LARP4B: variants seen among roughly 807,000 people sequenced by gnomAD.
LARP4B encodes la-related protein 4B.
A neutral mutation model predicts 89.8 loss-of-function variants in LARP4B; 12 were observed. The observed-to-expected ratio is 0.13, with a 90% CI of 0.09 to 0.22. The LOEUF (loss-of-function observed/expected upper bound fraction) is 0.22, where lower values mean the gene tolerates loss of function less well. LARP4B is among the 10% of genes least tolerant of loss of function. The probability of loss-of-function intolerance (pLI) is 1.00; values close to 1 mark genes in which losing one functional copy is unlikely to be tolerated. For synonymous variants in LARP4B, 367 were observed against 363.3 expected (o/e 1.01, Z -0.12); for missense variants, 757 against 947.7 (o/e 0.80, Z 2.64).
intron 1 of LARP4B, among the ~76,000 whole-genome samples, chr10:913,727 A>G (rs1836739190): frequency 1.3e-5 from 2 of 152,146 alleles, no homozygotes; most frequent in Admixed American, 1.3e-4. Context: ...AGGCCAATAC[A>G]GTGAAACCCC....
intron 1 of LARP4B, among the ~76,000 whole-genome samples, chr10:887,813 C>T (rs1835905466): frequency 6.8e-6 from 1 of 146,770 alleles, no homozygotes; most frequent in Non-Finnish European, 1.5e-5. Flanking sequence ...CACTTGAGGC[C>T]AGGAGTTCGA....
At chr10:911,064 T>C (rs1040107512) in intron 1 of LARP4B, among the ~76,000 whole-genome samples, 2 of 152,220 alleles carry the variant, frequency 1.3e-5, no homozygotes, top group African/African-American at 2.4e-5. Context: ...AAACATCAGC[T>C]GGATGTGTGT....
chr10:909,212 T>C (rs902935025), intron 1 of LARP4B, among the ~76,000 whole-genome samples: 1 of 146,704 alleles, frequency 6.8e-6, no homozygotes. Flanking sequence ...GAGAATGGCG[T>C]GAACCCGGGA....
At chr10:863,674 C>T (rs1834744031) in intron 5 of LARP4B, 69 bp downstream of exon 5, 4 of 1,466,628 alleles carry the variant, frequency 2.7e-6, no homozygotes, top group Non-Finnish European at 2.8e-6. Flanking sequence ...AATGTTAATA[C>T]TCTAAATAAA....
intron 3 of LARP4B, among the ~76,000 whole-genome samples, chr10:880,775 A>C (rs4881539): frequency 0.99 from 151,373 of 152,314 alleles, 75,229 homozygotes; most frequent in Middle Eastern, 1. Context: ...CCAATTTCAG[A>C]TTTCCAGTTT....
At chr10:921,208 G>C (rs1022343114) in intron 1 of LARP4B, among the ~76,000 whole-genome samples, 3 of 151,986 alleles carry the variant, frequency 2.0e-5, no homozygotes, top group Non-Finnish European at 4.4e-5. Context: ...AGGAGGTGGA[G>C]GTTGCAGTGA....
chr10:941,188 C>G, the LARP4B span, among the ~76,000 whole-genome samples: 1 of 152,184 alleles, frequency 6.6e-6, no homozygotes, highest in African/African-American at 2.4e-5. Context: ...GCTGGGGACT[C>G]AGCCTGCTCT....
At chr10:831,320 T>A (rs1244653194) in intron 8 of LARP4B, among the ~76,000 whole-genome samples, 4 of 149,084 alleles carry the variant, frequency 2.7e-5, no homozygotes, top group Non-Finnish European at 4.4e-5. Context: ...AGAAAAAAAA[T>A]TTGCTTGGAC....
chr10:909,566 C>T (rs56318703), intron 1 of LARP4B, among the ~76,000 whole-genome samples: 30,108 of 151,896 alleles, frequency 0.2, 3,243 homozygotes, highest in Non-Finnish European at 0.22. Context: ...AGGTGGATCA[C>T]CTGAGGGCAC....
At chr10:882,157 G>A (rs536051583) in intron 3 of LARP4B, among the ~76,000 whole-genome samples, 2 of 152,118 alleles carry the variant, frequency 1.3e-5, no homozygotes, top group Admixed American at 6.5e-5. Flanking sequence ...ACTACATTAT[G>A]GTGATGATTA....
At chr10:863,520 C>T (rs1356319185) in intron 5 of LARP4B, among the ~76,000 whole-genome samples, 4 of 152,142 alleles carry the variant, frequency 2.6e-5, no homozygotes, top group Non-Finnish European at 5.9e-5. Context: ...TGAGCCCCCG[C>T]GCCCGGCCCA....
At chr10:943,282 T>G in the LARP4B span, among the ~76,000 whole-genome samples, 1 of 152,166 alleles carries the variant, frequency 6.6e-6, no homozygotes, top group Admixed American at 6.5e-5. Flanking sequence ...ATGGGCACTT[T>G]GCCTGCTGTG....
chr10:925,029 T>C (rs1373002021), intron 1 of LARP4B, among the ~76,000 whole-genome samples: 3 of 152,198 alleles, frequency 2.0e-5, no homozygotes, highest in South Asian at 4.1e-4. Context: ...AATTATATGG[T>C]ATGTTATAGT....
At chr10:885,570 C>G in intron 2 of LARP4B, 71 bp downstream of exon 2, 1 of 1,101,258 alleles carries the variant, frequency 9.1e-7, no homozygotes, top group Non-Finnish European at 1.3e-6. Context: ...GAACTCCTTA[C>G]TAACTCCAAT....
chr10:829,883 C>A (rs1832810482), intron 9 of LARP4B, 149 bp from the exon 10 acceptor site: 3 of 629,604 alleles, frequency 4.8e-6, no homozygotes, highest in Non-Finnish European at 8.4e-6. Flanking sequence ...CTCCCTGGGT[C>A]ACAGATCCCT....
chr10:959,141 T>C, the LARP4B span, among the ~76,000 whole-genome samples: 1 of 152,136 alleles, frequency 6.6e-6, no homozygotes, highest in Non-Finnish European at 1.5e-5. Context: ...AGTTTGGATA[T>C]AGAGTTTGTG....
At chr10:903,187 T>G (rs1182207982) in intron 1 of LARP4B, 2 of 152,338 alleles carry the variant, frequency 1.3e-5, no homozygotes, top group Non-Finnish European at 1.5e-5. Flanking sequence ...ACTTCCACTC[T>G]TCCACATCCT....
At chr10:962,298 C>CAAAAAAAAA in the LARP4B span, among the ~76,000 whole-genome samples, 1 of 60,600 alleles carries the variant, frequency 1.7e-5, no homozygotes, top group Non-Finnish European at 3.5e-5. Flanking sequence ...ACTCCATCTC[C>CAAAAAAAAA]AAAAAAAAAA....
chr10:878,137 C>G (rs992550135), intron 3 of LARP4B, among the ~76,000 whole-genome samples: 1 of 152,192 alleles, frequency 6.6e-6, no homozygotes, highest in Admixed American at 6.5e-5. Flanking sequence ...GCTGGAGCAG[C>G]GTGCCAGAGG....
Sources: allele counts gnomAD v4.1 joint callset (sites outside exome capture counted in the v4.1 genomes callset), GRCh38; gene constraint gnomAD v4.1.1; transcripts MANE v1.5; gene names NCBI Gene and HGNC (gene_info 2026-07-23, HGNC 2026-07-21).